TRPM3: variants seen among roughly 807,000 people sequenced by gnomAD.
The protein encoded by TRPM3 is long transient receptor potential channel 3.
Under a neutral mutation model 181.2 loss-of-function variants are expected in TRPM3, and 77 were observed. That is an observed-to-expected ratio of 0.42 (90% CI 0.35 to 0.51). The LOEUF is 0.51. Ranked by LOEUF, TRPM3 falls within the 20% of genes least tolerant of loss-of-function variation. The pLI, the probability that TRPM3 is intolerant of heterozygous loss-of-function variation, is 0.01. For missense variants in TRPM3, 1,759 were observed against 2,196.7 expected, an observed-to-expected ratio of 0.80 and a Z score of 3.98; for synonymous variants, 745 against 796.4, an observed-to-expected ratio of 0.94 and a Z score of 1.09.
At chr9:70,578,282 A>T (rs1186523538) in intron 22 of TRPM3, among the ~76,000 whole-genome samples, 2 of 132,664 alleles carry the variant, frequency 1.5e-5, no homozygotes, top group Admixed American at 8.3e-5. Flanking sequence ...TGAGTGCGTC[A>T]TGGTGCTTTT....
At chr9:71,153,368 T>G (rs1412391940) in intron 1 of TRPM3, among the ~76,000 whole-genome samples, 1 of 150,368 alleles carries the variant, frequency 6.7e-6, no homozygotes, top group Non-Finnish European at 1.5e-5. Context: ...CTCAGCCCAC[T>G]GCAACCTAGC....
chr9:70,915,116 A>G (rs994871716), intron 1 of TRPM3, among the ~76,000 whole-genome samples: 1 of 152,234 alleles, frequency 6.6e-6, no homozygotes, highest in Non-Finnish European at 1.5e-5. Context: ...AAATAAGATC[A>G]TAGAGAAACA....
At chr9:70,926,554 G>GA (rs1451136815) in intron 1 of TRPM3, among the ~76,000 whole-genome samples, 1 of 151,676 alleles carries the variant, frequency 6.6e-6, no homozygotes, top group Non-Finnish European at 1.5e-5. Flanking sequence ...AAACATCTCA[G>GA]AAAAAAAACA....
At chr9:71,029,418 C>T (rs1462583652) in intron 1 of TRPM3, among the ~76,000 whole-genome samples, 1 of 152,056 alleles carries the variant, frequency 6.6e-6, no homozygotes, top group Admixed American at 6.6e-5. Flanking sequence ...TTTCTAGTGC[C>T]AAAGATGTAC....
At chr9:70,606,218 A>G (rs2061071706) in intron 19 of TRPM3, among the ~76,000 whole-genome samples, 1 of 152,088 alleles carries the variant, frequency 6.6e-6, no homozygotes, top group Non-Finnish European at 1.5e-5. Flanking sequence ...GTCTGTCTGT[A>G]TCTCCCAACA....
At chr9:70,571,209 A>G (rs2052238328) in intron 22 of TRPM3, among the ~76,000 whole-genome samples, 1 of 152,014 alleles carries the variant, frequency 6.6e-6, no homozygotes, top group African/African-American at 2.4e-5. Context: ...GCCGGCCAAC[A>G]TGGGTTCAAG....
chr9:70,879,119 G>A (rs2095931983), intron 1 of TRPM3, among the ~76,000 whole-genome samples: 1 of 152,066 alleles, frequency 6.6e-6, no homozygotes, highest in Admixed American at 6.6e-5. Context: ...AGGAAGTGGA[G>A]GTTAAGCTAC....
At chr9:71,051,322 TA>T (rs1217757649) in intron 1 of TRPM3, among the ~76,000 whole-genome samples, 1 of 152,200 alleles carries the variant, frequency 6.6e-6, no homozygotes, top group African/African-American at 2.4e-5. Flanking sequence ...TGCAGTTTAC[TA>T]AATCCATTAC....
At chr9:70,753,890 G>A (rs985268142) in intron 8 of TRPM3, among the ~76,000 whole-genome samples, 13 of 152,164 alleles carry the variant, frequency 8.5e-5, no homozygotes, top group African/African-American at 3.1e-4. Flanking sequence ...TGTCAGGGGA[G>A]TAGAGTGAAT....
intron 8 of TRPM3, among the ~76,000 whole-genome samples, chr9:70,692,907 A>T (rs1229436835): frequency 6.6e-6 from 1 of 152,140 alleles, no homozygotes; most frequent in African/African-American, 2.4e-5. Flanking sequence ...CAGTGAGAAA[A>T]TTTTAAAATA....
intron 1 of TRPM3, among the ~76,000 whole-genome samples, chr9:71,143,099 T>G (rs1377393987): frequency 2.0e-5 from 3 of 147,304 alleles, no homozygotes; most frequent in African/African-American, 7.5e-5. Flanking sequence ...CACTCTAGCA[T>G]GGAGGACAGA....
At chr9:71,095,435 C>A (rs2066980284) in intron 1 of TRPM3, among the ~76,000 whole-genome samples, 1 of 152,020 alleles carries the variant, frequency 6.6e-6, no homozygotes, top group South Asian at 2.1e-4. Flanking sequence ...TACCACAAAT[C>A]TTAAACAGGT....
At chr9:71,272,203 A>C (rs1190577494) in intron 1 of TRPM3, among the ~76,000 whole-genome samples, 1 of 152,158 alleles carries the variant, frequency 6.6e-6, no homozygotes, top group Non-Finnish European at 1.5e-5. Flanking sequence ...TCTTTTTAAA[A>C]ATTTTTAATG....
intron 7 of TRPM3, among the ~76,000 whole-genome samples, chr9:70,770,684 ATC>A (rs2080065095): frequency 1.3e-5 from 2 of 152,108 alleles, no homozygotes; most frequent in South Asian, 4.1e-4. Context: ...ATATCTCCTC[ATC>A]TGTTAAATAA....
chr9:71,419,297 T>C (rs1481291283), intron 1 of TRPM3, among the ~76,000 whole-genome samples: 6 of 151,818 alleles, frequency 4.0e-5, no homozygotes, highest in Admixed American at 3.3e-4. Context: ...TTGGGGCATT[T>C]AAAAAAAGCC....
At chr9:71,200,591 CTCT>C (rs1341647328) in intron 1 of TRPM3, among the ~76,000 whole-genome samples, 2 of 152,278 alleles carry the variant, frequency 1.3e-5, no homozygotes, top group Admixed American at 1.3e-4. Flanking sequence ...GGATAGTTAG[CTCT>C]TCTTGTTGAA....
intron 1 of TRPM3, among the ~76,000 whole-genome samples, chr9:70,961,603 C>T (rs777771432): frequency 5.9e-5 from 9 of 152,090 alleles, no homozygotes; most frequent in Admixed American, 5.9e-4. Flanking sequence ...CCTTAGATGT[C>T]CTCTTACTCA....
intron 1 of TRPM3, among the ~76,000 whole-genome samples, chr9:71,361,101 C>G (rs1375153332): frequency 6.6e-6 from 1 of 152,168 alleles, no homozygotes; most frequent in Non-Finnish European, 1.5e-5. Context: ...ATTTTCCTGC[C>G]TCAGCCTCCC....
chr9:70,621,121 G>GTA (rs1165728893), intron 15 of TRPM3, 123 bp downstream of exon 15: 4 of 235,708 alleles, frequency 1.7e-5, no homozygotes, highest in African/African-American at 2.5e-5. Context: ...ATTATATATA[G>GTA]TATATATATT....
Sources: allele counts gnomAD v4.1 joint callset (sites outside exome capture counted in the v4.1 genomes callset), GRCh38; gene constraint gnomAD v4.1.1; transcripts MANE v1.5; gene names NCBI Gene and HGNC (gene_info 2026-07-23, HGNC 2026-07-21).